The following ARHGAP27 variants were observed in gnomAD, a reference collection of about 807,000 sequenced individuals.
The protein encoded by ARHGAP27 is rho GTPase-activating protein 27.
In ARHGAP27, 53 loss-of-function variants were observed where a neutral mutation model predicts 102.0. The ratio of observed to expected loss-of-function variants is 0.52; its 90% CI spans 0.42 to 0.65. ARHGAP27 has a LOEUF of 0.65. ARHGAP27 is among the 30% of genes least tolerant of loss of function. The probability of loss-of-function intolerance (pLI) is 0.00; values close to 1 mark genes in which losing one functional copy is unlikely to be tolerated. For missense variants in ARHGAP27, 1,117 were observed against 1,256.2 expected (o/e 0.89, Z 1.68); for synonymous variants, 525 against 542.8 (o/e 0.97, Z 0.46).
At position 45,397,182 on chromosome 17, in the gene ARHGAP27, C is replaced by T. The variant is rs1206353556; in HGVS notation, c.1843-158G>A. Reference sequence around the variant, plus strand: ...TTAACCAGGTTAACTCTCCTTACCTCCACCAGTGAGCCTGAGAACATTCAC... The same window carrying T: ...TTAACCAGGTTAACTCTCCTTACCTTCACCAGTGAGCCTGAGAACATTCAC... On this transcript the variant is annotated intron_variant, in intron 13 of 19. Coordinates refer to ENST00000685559, the MANE Select transcript of ARHGAP27 (RefSeq NM_001282290.2). 1.3e-5 allele frequency: 18 copies of T among 1,438,576 alleles called. 1 individual carries two copies. Among genetic ancestry groups the T allele is most frequent in the Non-Finnish European group, 7.3e-6 (8 of 1,100,642 alleles). 89.1% of individuals were successfully genotyped at this position (1,438,576 alleles called of 1,614,324 possible). A position where few individuals can be genotyped will look rare whatever the true frequency, so the allele number is the denominator to read the frequency against.
chr17:45,414,000 G>C (rs2048184240), intron 4 of ARHGAP27, among the ~76,000 whole-genome samples: 1 of 152,100 alleles, frequency 6.6e-6, no homozygotes, highest in Admixed American at 6.6e-5. Context: ...CAGCTACTCG[G>C]GAGGCTGAGG....
At chr17:45,432,123 C>T in intron 2 of ARHGAP27, 93 bp downstream of exon 2, 1 of 244,598 alleles carries the variant, frequency 4.1e-6, no homozygotes, top group South Asian at 3.8e-5. Flanking sequence ...CGTTCCTGTT[C>T]CCGGGGAGGT....
At chr17:45,424,410 C>T (rs1309843650) in intron 4 of ARHGAP27, among the ~76,000 whole-genome samples, 1 of 152,246 alleles carries the variant, frequency 6.6e-6, no homozygotes, top group Non-Finnish European at 1.5e-5. Flanking sequence ...CCCAATCTCC[C>T]TAACATTCAG....
intron 4 of ARHGAP27, among the ~76,000 whole-genome samples, chr17:45,420,428 A>G (rs2048916680): frequency 6.6e-6 from 1 of 152,242 alleles, no homozygotes. Flanking sequence ...TGAAGAAAGA[A>G]TGAATGAAAG....
chr17:45,396,795 C>A lies in ARHGAP27; in HGVS notation c.1952-5G>T. 1 of 1,609,754 alleles carries A rather than the reference C, an allele frequency of 6.2e-7. No individual in the cohort carries two copies. The highest frequency in any genetic ancestry group is 8.5e-7 in the Non-Finnish European group (1 of 1,178,096). On this transcript the variant is annotated splice_polypyrimidine_tract_variant and splice_region_variant and intron_variant, in intron 14 of 19. Coordinates refer to ENST00000685559, the MANE Select transcript of ARHGAP27 (RefSeq NM_001282290.2). ...CGGGGCCCAGGGCGGGCGCGGCTGC[C>A]GCGGGGAAAGGCAGGACTGAGTCAG...
chr17:45,396,849 C>A, intron 14 of ARHGAP27, 59 bp from the exon 15 acceptor site: 1 of 1,606,550 alleles, frequency 6.2e-7, no homozygotes, highest in South Asian at 1.1e-5. Context: ...GCCAGGCAGG[C>A]CCCAGCAACC....
chr17:45,400,450 C>G (rs2046305374), intron 12 of ARHGAP27, among the ~76,000 whole-genome samples: 2 of 152,222 alleles, frequency 1.3e-5, no homozygotes, highest in Non-Finnish European at 2.9e-5. Flanking sequence ...GGCCTGCCCA[C>G]CTTCCCACTG....
chr17:45,406,854 T>G (rs1019471070), intron 4 of ARHGAP27, among the ~76,000 whole-genome samples: 1 of 152,156 alleles, frequency 6.6e-6, no homozygotes, highest in African/African-American at 2.4e-5. Context: ...ATTTGGGGAC[T>G]GAACTTTCCA....
At chr17:45,428,686 G>A (rs764845086) in intron 4 of ARHGAP27, among the ~76,000 whole-genome samples, 2 of 152,126 alleles carry the variant, frequency 1.3e-5, no homozygotes, top group Non-Finnish European at 2.9e-5. Context: ...GAGGATCAGA[G>A]GTCATCTGTC....
At chr17:45,398,616 C>G (rs1053300761) in intron 12 of ARHGAP27, among the ~76,000 whole-genome samples, 2 of 152,084 alleles carry the variant, frequency 1.3e-5, no homozygotes, top group Admixed American at 6.5e-5. Flanking sequence ...CTCCTGTAAT[C>G]CCAGCTACTT....
At chr17:45,421,381 C>CAA (rs2049019413) in intron 4 of ARHGAP27, among the ~76,000 whole-genome samples, 1 of 151,050 alleles carries the variant, frequency 6.6e-6, no homozygotes, top group African/African-American at 2.4e-5. Flanking sequence ...TCTCAGGAGA[C>CAA]TGAGGTGGGA....
At position 45,430,663 on chromosome 17, in the gene ARHGAP27, T is replaced by C. The variant is rs2145100639; in HGVS notation, c.-18-366A>G. On this transcript the variant is annotated intron_variant, in intron 3 of 19. Transcript: ENST00000685559. This position sits in a 1 kb window ranked among gnomAD's most constrained non-coding sequence, Gnocchi z 4.4. Reference sequence around the variant, plus strand: ...TAAGGTCGACACCACGCTTGCTTAATAGTTGACTGCGCCTTAGTTTTCCGT... The same window carrying C: ...TAAGGTCGACACCACGCTTGCTTAACAGTTGACTGCGCCTTAGTTTTCCGT... Among the ~76,000 whole-genome samples the C allele has an allele frequency of 6.6e-6, 1 of 152,258 alleles. No homozygotes were observed. Among genetic ancestry groups the C allele is most frequent in the South Asian group, 2.1e-4 (1 of 4,822 alleles).
Position 45,395,379 on chromosome 17 carries a change from A to G in ARHGAP27, c.*77T>C, listed in dbSNP as rs2045466840. 4 of 1,473,314 alleles carry G rather than the reference A, an allele frequency of 2.7e-6. No homozygotes were observed. The East Asian group carries it at 9.9e-5, about 37-fold the overall frequency. 91.3% of individuals were successfully genotyped at this position (1,473,314 alleles called of 1,614,324 possible). ...GCTGGCGGAGGGTCCCAGAGAGAAGAAGGCCCGGCTGCGTGGCCTCCGCCG... is the reference window on the plus strand; with the variant it reads ...GCTGGCGGAGGGTCCCAGAGAGAAGGAGGCCCGGCTGCGTGGCCTCCGCCG... On this transcript the variant is annotated 3_prime_UTR_variant, in exon 20 of 20. Coordinates refer to ENST00000685559, the MANE Select transcript of ARHGAP27 (RefSeq NM_001282290.2).
At chr17:45,424,783 A>C (rs1344967287) in intron 4 of ARHGAP27, among the ~76,000 whole-genome samples, 2 of 152,322 alleles carry the variant, frequency 1.3e-5, no homozygotes, top group African/African-American at 2.4e-5. Flanking sequence ...TATTCACGTA[A>C]CCAAACACCA....
chr17:45,411,243 T>C (rs1272993944), intron 4 of ARHGAP27, among the ~76,000 whole-genome samples: 1 of 151,928 alleles, frequency 6.6e-6, no homozygotes, highest in African/African-American at 2.4e-5. Flanking sequence ...AGTAAGAAGT[T>C]ACAGCCCCTC....
intron 12 of ARHGAP27, among the ~76,000 whole-genome samples, chr17:45,399,440 A>G (rs751575305): frequency 6.6e-6 from 1 of 151,968 alleles, no homozygotes; most frequent in Non-Finnish European, 1.5e-5. Flanking sequence ...AAAATGCAAA[A>G]AATTAGCTGG....
chr17:45,409,056 C>G (rs1163708116), intron 4 of ARHGAP27: 1 of 152,344 alleles, frequency 6.6e-6, no homozygotes. Flanking sequence ...ACAGAAGAGC[C>G]TGGAATGAGC....
chr17:45,397,833 G>T, intron 13 of ARHGAP27, 116 bp downstream of exon 13: 1 of 836,130 alleles, frequency 1.2e-6, no homozygotes, highest in Non-Finnish European at 1.8e-6. Flanking sequence ...CCATTAGTGG[G>T]GACTGCATTT....
chr17:45,423,337 A>T (rs2049230332), intron 4 of ARHGAP27, among the ~76,000 whole-genome samples: 2 of 152,198 alleles, frequency 1.3e-5, no homozygotes, highest in Admixed American at 1.3e-4. Flanking sequence ...AGTAAAATAT[A>T]AAATGGCCAA....
Sources: gnomAD v4.1 joint callset for allele counts (sites outside exome capture counted in the v4.1 genomes callset) on GRCh38, gnomAD v4.1.1 for gene constraint, Gnocchi (gnomAD v3.1) non-coding constraint, MANE v1.5 for transcripts, NCBI Gene and HGNC (gene_info 2026-07-23, HGNC 2026-07-21) for gene names.